KLHL14: variants seen among roughly 807,000 people sequenced by gnomAD.
KLHL14 encodes the protein kelch-like protein 14.
In KLHL14, 22 loss-of-function variants were observed where a neutral mutation model predicts 64.3. That is an observed-to-expected ratio of 0.34 (90% CI 0.24 to 0.49). KLHL14 has a LOEUF of 0.49. Ranked by LOEUF, KLHL14 falls within the 20% of genes least tolerant of loss-of-function variation. The pLI, the probability that KLHL14 is intolerant of heterozygous loss-of-function variation, is 0.99. For synonymous variants in KLHL14, 322 were observed against 333.4 expected, an observed-to-expected ratio of 0.97 and a Z score of 0.37; for missense variants, 661 against 789.0, an observed-to-expected ratio of 0.84 and a Z score of 1.94.
chr18:32,768,390 GACACACACACACACACACACAC>G (rs10567081), intron 2 of KLHL14, among the ~76,000 whole-genome samples: 1 of 141,586 alleles, frequency 7.1e-6, no homozygotes, highest in Admixed American at 7.1e-5. Flanking sequence ...GAAACATAAT[GACACACACACACACACACACAC>G]ACACACACAC....
At chr18:32,761,968 T>C (rs1198399890) in intron 2 of KLHL14, among the ~76,000 whole-genome samples, 1 of 152,164 alleles carries the variant, frequency 6.6e-6, no homozygotes, top group Non-Finnish European at 1.5e-5. Context: ...TCAAATTACA[T>C]GGGAATTAAG....
At chr18:32,760,521 A>G (rs1204580998) in intron 2 of KLHL14, among the ~76,000 whole-genome samples, 1 of 152,166 alleles carries the variant, frequency 6.6e-6, no homozygotes, top group East Asian at 1.9e-4. Context: ...GAAGGCACAT[A>G]AGGCAGGGAA....
chr18:32,692,067 C>T (rs2049910395), intron 4 of KLHL14, among the ~76,000 whole-genome samples: 1 of 152,122 alleles, frequency 6.6e-6, no homozygotes, highest in African/African-American at 2.4e-5. Flanking sequence ...CTATGTATAT[C>T]TATTAGAATA....
Position 32,696,462 on chromosome 18 carries a change from C to A in KLHL14, c.1070-910G>T, listed in dbSNP as rs79762060. ...TGTAAACGTATACAGCATTAGTTATCATATCTCCTACAGTGGTTTGGGCCC... is the reference window on the plus strand; with the variant it reads ...TGTAAACGTATACAGCATTAGTTATAATATCTCCTACAGTGGTTTGGGCCC... On this transcript the variant is annotated intron_variant, in intron 3 of 8. Coordinates refer to ENST00000359358, the MANE Select transcript of KLHL14 (RefSeq NM_020805.3). 9.0e-3 allele frequency among the ~76,000 whole-genome samples: 1,375 copies of A among 152,294 alleles called. 16 individuals carry two copies. Among genetic ancestry groups the A allele is most frequent in the African/African-American group, 0.032 (1,322 of 41,570 alleles).
intron 4 of KLHL14, among the ~76,000 whole-genome samples, chr18:32,692,822 A>G (rs554391087): frequency 2.6e-5 from 4 of 152,210 alleles, no homozygotes; most frequent in Admixed American, 6.5e-5. Context: ...CTTCAGGCTT[A>G]GTCTTCTCAT....
intron 3 of KLHL14, among the ~76,000 whole-genome samples, chr18:32,709,115 C>G (rs1437495285): frequency 6.6e-6 from 1 of 152,186 alleles, no homozygotes; most frequent in Non-Finnish European, 1.5e-5. Flanking sequence ...TTTCAAGTTT[C>G]CAGAATGGTC....
At chr18:32,694,159 G>T (rs1157530737) in intron 4 of KLHL14, among the ~76,000 whole-genome samples, 2 of 152,168 alleles carry the variant, frequency 1.3e-5, no homozygotes, top group Non-Finnish European at 2.9e-5. Context: ...GTAGGCTGAA[G>T]ATGTTCCTGT....
At chr18:32,691,703 T>G (rs1205570014) in intron 4 of KLHL14, among the ~76,000 whole-genome samples, 2 of 152,200 alleles carry the variant, frequency 1.3e-5, no homozygotes, top group East Asian at 1.9e-4. Flanking sequence ...GGGGTTATTC[T>G]CCTTCCTTGT....
intron 3 of KLHL14, among the ~76,000 whole-genome samples, chr18:32,720,109 C>T (rs2050069646): frequency 6.6e-6 from 1 of 152,126 alleles, no homozygotes. Flanking sequence ...TGGGTGTCAG[C>T]AGGACATTTT....
rs1323278008 is a variant in KLHL14, at chr18:32,770,180, C to T, written c.412G>A (p.Val138Met). 6.2e-7 allele frequency: 1 copy of T among 1,613,516 alleles called. No homozygotes were observed. Among genetic ancestry groups the T allele is most frequent in the African/African-American group, 1.3e-5 (1 of 75,038 alleles). ...QGCSSIGLRL[V>M]LEYLYTANVT... Reference sequence around the variant, plus strand: ...TTGGCCGTGTAGAGGTACTCGAGCACCAGGCGCAGCCCGATGGACGAGCAG... The same window carrying T: ...TTGGCCGTGTAGAGGTACTCGAGCATCAGGCGCAGCCCGATGGACGAGCAG... Residue 138 changes from valine (V) to methionine (M), a missense_variant, in exon 2 of 9, where the codon GTG (valine) becomes ATG (methionine). By Grantham distance (21) the Val-to-Met change is conservative. Coordinates refer to ENST00000359358, the MANE Select transcript of KLHL14 (RefSeq NM_020805.3). This position sits in a 1 kb window ranked among gnomAD's most constrained non-coding sequence, Gnocchi z 6.7.
intron 2 of KLHL14, among the ~76,000 whole-genome samples, chr18:32,746,936 A>G (rs2050226739): frequency 6.6e-6 from 1 of 152,246 alleles, no homozygotes; most frequent in Non-Finnish European, 1.5e-5. Flanking sequence ...TAAAAAATCA[A>G]TGCTGTTTCA....
chr18:32,767,433 T>G (rs1293232579), intron 2 of KLHL14, among the ~76,000 whole-genome samples: 1 of 152,244 alleles, frequency 6.6e-6, no homozygotes, highest in Non-Finnish European at 1.5e-5. Flanking sequence ...CATGAACTAT[T>G]TGCTTTTCTA....
chr18:32,702,914 A>G (rs1224698564), intron 3 of KLHL14, among the ~76,000 whole-genome samples: 1 of 152,212 alleles, frequency 6.6e-6, no homozygotes, highest in Non-Finnish European at 1.5e-5. Context: ...TCTAAAAAAA[A>G]GTGCACATTT....
rs767489431 is a variant in KLHL14, at chr18:32,769,908, C to T, written c.684G>A (p.Leu228=). ...FEEMRALLDS[L]PPPVESELAL... ...CCAGCTCCGACTCCACGGGGGGCGG[C>T]AGCGAGTCCAGCAGGGCGCGCATCT... Residue 228 remains leucine, a synonymous_variant, in exon 2 of 9, where the codon CTG becomes CTA. Coordinates refer to ENST00000359358, the MANE Select transcript of KLHL14 (RefSeq NM_020805.3). 6.2e-7 allele frequency: 1 copy of T among 1,614,136 alleles called. No individual in the cohort carries two copies.
intron 7 of KLHL14, among the ~76,000 whole-genome samples, chr18:32,679,575 G>A (rs1457802186): frequency 2.6e-5 from 4 of 151,822 alleles, no homozygotes; most frequent in Non-Finnish European, 4.4e-5. Flanking sequence ...AGTTGCAGTC[G>A]TATACATATC....
In KLHL14 at chr18:32,772,812, A is replaced by G. The variant is rs2050398278; in HGVS notation, c.-189T>C. 1 of 152,922 alleles carries G rather than the reference A, an allele frequency of 6.5e-6. No individual in the cohort carries two copies. The highest frequency in any genetic ancestry group is 2.0e-4 in the South Asian group (1 of 4,880). 9.5% of individuals were successfully genotyped at this position (152,922 alleles called of 1,614,324 possible). ...TCCAGGCAGTCACTCTTTACAATTT[A>G]TTTTGTCGTACATCATTTGATCACC... is the stretch of plus-strand genomic sequence containing the variant. On this transcript the variant is annotated 5_prime_UTR_variant, in exon 1 of 9. Transcript: ENST00000359358.
Position 32,680,484 on chromosome 18 carries a change from G to T in KLHL14, c.1354C>A (p.Arg452Ser). The change falls in exon 6 of 9, where the codon CGC becomes AGC. Residue 452 changes from arginine (R) to serine (S), a missense_variant. Coordinates refer to ENST00000359358, the MANE Select transcript of KLHL14 (RefSeq NM_020805.3). The surrounding 1 kb of genome is among the most constrained non-coding windows in gnomAD (Gnocchi z 4.8). ...GGCTGTGGCAAAGAGGACACATAGC[G>T]CCATTCATTCGTTTCTAGGTTATAG... ...ECYNLETNEW[R>S]YVSSLPQPLA... 1 of 1,613,952 alleles carries T rather than the reference G, an allele frequency of 6.2e-7. No homozygotes were observed. The highest frequency in any genetic ancestry group is 8.5e-7 in the Non-Finnish European group (1 of 1,179,884).
At chr18:32,712,252 G>A (rs974638199) in intron 3 of KLHL14, among the ~76,000 whole-genome samples, 9 of 152,128 alleles carry the variant, frequency 5.9e-5, no homozygotes, top group Admixed American at 3.3e-4. Flanking sequence ...TTTCACATTT[G>A]TTCTTTCTCC....
At chr18:32,744,755 C>T (rs958688500) in intron 2 of KLHL14, 4 of 152,162 alleles carry the variant, frequency 2.6e-5, no homozygotes, top group African/African-American at 9.7e-5. Flanking sequence ...ACAAGTTACA[C>T]TGGTGATTCT....
Sources: gnomAD v4.1 joint callset for allele counts (sites outside exome capture counted in the v4.1 genomes callset) on GRCh38, gnomAD v4.1.1 for gene constraint, Gnocchi (gnomAD v3.1) non-coding constraint, MANE v1.5 for transcripts, NCBI Gene and HGNC (gene_info 2026-07-23, HGNC 2026-07-21) for gene names.